EBF1: variants seen among roughly 807,000 people sequenced by gnomAD.
The protein encoded by EBF1 is EBF transcription factor 1.
A neutral mutation model predicts 68.4 loss-of-function variants in EBF1; 10 were observed. The ratio of observed to expected loss-of-function variants is 0.15; its 90% CI spans 0.09 to 0.25. The LOEUF is 0.25. Ranked by LOEUF, EBF1 falls within the 10% of genes least tolerant of loss-of-function variation. The pLI is 1.00. For missense variants in EBF1, 509 were observed against 794.4 expected, an observed-to-expected ratio of 0.64 and a Z score of 4.32; for synonymous variants, 298 against 299.8, an observed-to-expected ratio of 0.99 and a Z score of 0.06.
chr5:158,903,759 G>A (rs1258100752), intron 6 of EBF1, among the ~76,000 whole-genome samples: 1 of 152,152 alleles, frequency 6.6e-6, no homozygotes, highest in African/African-American at 2.4e-5. Context: ...AAGACAATCA[G>A]TGGCTTTACT....
Position 158,916,380 on chromosome 5 carries a change from C to T in EBF1, c.555-76270G>A, listed in dbSNP as rs577010653. The stretch of plus-strand genomic sequence containing the variant: ...CTTAGCAATCTCCTTTCCATCTCTA[C>T]GGGCCACCTATATACTACTTATCTC... On this transcript the variant is annotated intron_variant, in intron 6 of 15. Transcript: ENST00000313708. Among the ~76,000 whole-genome samples the T allele has an allele frequency of 7.9e-5, 12 of 152,294 alleles. No individual in the cohort carries two copies. The South Asian group carries it at 8.3e-4, about 11-fold the overall frequency.
intron 4 of EBF1, among the ~76,000 whole-genome samples, chr5:159,085,816 G>C (rs993626583): frequency 1.3e-5 from 2 of 152,000 alleles, no homozygotes; most frequent in African/African-American, 2.4e-5. Flanking sequence ...GATGCTACAA[G>C]ACTAACTTGT....
chr5:159,002,566 A>C (rs1005498467), intron 6 of EBF1, among the ~76,000 whole-genome samples: 1 of 152,216 alleles, frequency 6.6e-6, no homozygotes, highest in Non-Finnish European at 1.5e-5. Context: ...TTCCAGGCTT[A>C]TGTTTAAAAA....
chr5:159,060,933 T>TACAC (rs72070397), intron 6 of EBF1, among the ~76,000 whole-genome samples: 12,830 of 143,652 alleles, frequency 0.089, 611 homozygotes, highest in African/African-American at 0.12. Context: ...TAAAGCTACA[T>TACAC]ACACACACAC....
chr5:158,715,708 T>C (rs574637318), intron 11 of EBF1, among the ~76,000 whole-genome samples: 1 of 152,360 alleles, frequency 6.6e-6, no homozygotes, highest in Admixed American at 6.5e-5. Context: ...AATTTACCAC[T>C]TTTTGTTTGC....
intron 6 of EBF1, among the ~76,000 whole-genome samples, chr5:158,934,255 C>T (rs1811502055): frequency 6.6e-6 from 1 of 152,204 alleles, no homozygotes; most frequent in Admixed American, 6.5e-5. Context: ...TTCCTTCCTT[C>T]ATTCATTCAT....
At chr5:158,709,896 T>C (rs1041162524) in intron 14 of EBF1, among the ~76,000 whole-genome samples, 1 of 152,132 alleles carries the variant, frequency 6.6e-6, no homozygotes, top group African/African-American at 2.4e-5. Flanking sequence ...ATTAATCTCA[T>C]TGGCAAATGT....
chr5:158,714,050 G>T, intron 12 of EBF1, 67 bp downstream of exon 12: 2 of 1,524,022 alleles, frequency 1.3e-6, no homozygotes, highest in South Asian at 1.1e-5. Context: ...TTCTCATTAC[G>T]ATGAGGAATC....
intron 6 of EBF1, among the ~76,000 whole-genome samples, chr5:158,878,919 A>C (rs1366725823): frequency 6.6e-6 from 1 of 152,140 alleles, no homozygotes; most frequent in Non-Finnish European, 1.5e-5. Context: ...GCTTGCTGGG[A>C]GTACAGCTGT....
At chr5:158,700,422 C>T (rs1444413539) in intron 15 of EBF1, among the ~76,000 whole-genome samples, 1 of 151,794 alleles carries the variant, frequency 6.6e-6, no homozygotes, top group Non-Finnish European at 1.5e-5. Flanking sequence ...TATGGCAAAT[C>T]TAAACGTAAA....
chr5:159,057,668 T>G (rs983217035), intron 6 of EBF1, among the ~76,000 whole-genome samples: 3 of 152,214 alleles, frequency 2.0e-5, no homozygotes, highest in African/African-American at 7.2e-5. Context: ...ATTAGGTCTT[T>G]GGGCAACATT....
At chr5:158,955,019 A>G (rs1816780593) in intron 6 of EBF1, among the ~76,000 whole-genome samples, 2 of 151,922 alleles carry the variant, frequency 1.3e-5, no homozygotes, top group Non-Finnish European at 2.9e-5. Context: ...TCCTCAGGGG[A>G]AAAAAATTAC....
chr5:158,942,603 G>C (rs928447880), intron 6 of EBF1, among the ~76,000 whole-genome samples: 1 of 152,122 alleles, frequency 6.6e-6, no homozygotes, highest in Non-Finnish European at 1.5e-5. Flanking sequence ...ATTCCAAATA[G>C]AGACTTTAAT....
At chr5:159,087,385 CAT>C (rs946037901) in intron 4 of EBF1, among the ~76,000 whole-genome samples, 19 of 137,770 alleles carry the variant, frequency 1.4e-4, no homozygotes, top group East Asian at 2.0e-4. Context: ...TATATATACA[CAT>C]ATATATACAT....
At chr5:158,766,188 C>T (rs771936688) in intron 10 of EBF1, among the ~76,000 whole-genome samples, 8 of 152,046 alleles carry the variant, frequency 5.3e-5, no homozygotes, top group Non-Finnish European at 8.8e-5. Context: ...ACAAGCATTC[C>T]TCAAAACAAG....
intron 6 of EBF1, among the ~76,000 whole-genome samples, chr5:158,857,153 C>A (rs1794195660): frequency 6.6e-6 from 1 of 151,824 alleles, no homozygotes; most frequent in Non-Finnish European, 1.5e-5. Flanking sequence ...CTGTTAGATC[C>A]TTCTGCATTC....
chr5:158,808,718 G>A (rs1483122910), intron 8 of EBF1, among the ~76,000 whole-genome samples: 2 of 152,270 alleles, frequency 1.3e-5, no homozygotes, highest in Non-Finnish European at 2.9e-5. Context: ...AGATGATGAC[G>A]AAGAGGAGGA....
intron 10 of EBF1, among the ~76,000 whole-genome samples, chr5:158,774,645 G>A (rs1774690102): frequency 6.6e-6 from 1 of 152,098 alleles, no homozygotes; most frequent in Non-Finnish European, 1.5e-5. Context: ...GCAATGATCT[G>A]AGCAGTTGTT....
At chr5:158,836,200 AT>A (rs1490074477) in intron 7 of EBF1, among the ~76,000 whole-genome samples, 1 of 152,224 alleles carries the variant, frequency 6.6e-6, no homozygotes, top group African/African-American at 2.4e-5. Context: ...TCCAGCAGAC[AT>A]CTGGACAGTT....
Sources: gnomAD v4.1 joint callset for allele counts (sites outside exome capture counted in the v4.1 genomes callset) on GRCh38, gnomAD v4.1.1 for gene constraint, MANE v1.5 for transcripts, NCBI Gene and HGNC (gene_info 2026-07-23, HGNC 2026-07-21) for gene names.